TBC1D8: variants seen among roughly 807,000 people sequenced by gnomAD.
TBC1D8 encodes TBC1 domain family member 8.
Under a neutral mutation model 118.8 loss-of-function variants are expected in TBC1D8, and 65 were observed. That is an observed-to-expected ratio of 0.55 (90% CI 0.45 to 0.67). TBC1D8 has a LOEUF of 0.67. TBC1D8 is among the 30% of genes least tolerant of loss of function. The probability of loss-of-function intolerance (pLI) is 0.00; values close to 1 mark genes in which losing one functional copy is unlikely to be tolerated. For synonymous variants in TBC1D8, 566 were observed against 595.8 expected (o/e 0.95, Z 0.73); for missense variants, 1,376 against 1,471.2 (o/e 0.94, Z 1.06).
intron 2 of TBC1D8, among the ~76,000 whole-genome samples, chr2:101,087,865 A>G (rs1422434586): frequency 6.6e-6 from 1 of 152,232 alleles, no homozygotes; most frequent in Non-Finnish European, 1.5e-5. Flanking sequence ...GTGGAGAGCC[A>G]GTGAACACTA....
At chr2:101,109,763 T>C in intron 1 of TBC1D8, 1 of 984,116 alleles carries the variant, frequency 1.0e-6, no homozygotes, top group Non-Finnish European at 1.2e-6. Context: ...GCCCACGTTC[T>C]CTTCTACTGG....
At chr2:101,063,841 C>A (rs1682886921) in intron 2 of TBC1D8, among the ~76,000 whole-genome samples, 1 of 151,786 alleles carries the variant, frequency 6.6e-6, no homozygotes. Flanking sequence ...TAGAGTTATG[C>A]ACACACATGT....
In TBC1D8 at chr2:101,137,733, G is replaced by A. The variant is rs181435056; in HGVS notation, c.127+13394C>T. On this transcript the variant is annotated intron_variant, in intron 1 of 19. Transcript: ENST00000409318. ...TCCTACCAGCATTTACCCCAGACAA[G>A]ACAGTACAGGGGTGTCCTACATGCA... Among the ~76,000 whole-genome samples the A allele has an allele frequency of 1.6e-4, 25 of 152,280 alleles. 1 individual carries two copies. The highest frequency in any genetic ancestry group is 1.1e-3 in the Admixed American group (17 of 15,296).
chr2:101,043,951 C>CA (rs139859571), intron 5 of TBC1D8, among the ~76,000 whole-genome samples: 28 of 147,344 alleles, frequency 1.9e-4, no homozygotes, highest in East Asian at 3.9e-4. Flanking sequence ...AAAAAACAAA[C>CA]AAAAAAAAAA....
chr2:101,134,442 A>G (rs1414022435), intron 1 of TBC1D8, among the ~76,000 whole-genome samples: 1 of 152,220 alleles, frequency 6.6e-6, no homozygotes, highest in African/African-American at 2.4e-5. Flanking sequence ...TCAGGCTGCT[A>G]TAACAAAATA....
At chr2:101,022,651 G>A in intron 15 of TBC1D8, 130 bp from the exon 16 acceptor site, 2 of 1,338,444 alleles carry the variant, frequency 1.5e-6, no homozygotes, top group South Asian at 1.6e-5. Context: ...GTGTTCCCTT[G>A]TTACCCTGAC....
chr2:101,060,722 G>A (rs1303853671), intron 2 of TBC1D8, among the ~76,000 whole-genome samples: 2 of 152,152 alleles, frequency 1.3e-5, no homozygotes, highest in Non-Finnish European at 2.9e-5. Context: ...AAGCACACAC[G>A]GTCCTGGACA....
chr2:101,151,052 G>T, intron 1 of TBC1D8, 75 bp downstream of exon 1: 4 of 956,558 alleles, frequency 4.2e-6, no homozygotes, highest in Non-Finnish European at 5.0e-6. Flanking sequence ...CGCAGCCCGG[G>T]ACTGGGGGCC....
chr2:101,020,444 G>T (rs900811266), intron 17 of TBC1D8, among the ~76,000 whole-genome samples: 3 of 152,082 alleles, frequency 2.0e-5, no homozygotes, highest in Non-Finnish European at 4.4e-5. Context: ...TGGCATAAAG[G>T]GCAGAAAACT....
intron 2 of TBC1D8, among the ~76,000 whole-genome samples, chr2:101,069,901 A>G (rs1442123445): frequency 1.4e-5 from 2 of 145,378 alleles, no homozygotes; most frequent in African/African-American, 2.6e-5. Flanking sequence ...CAACATTTAT[A>G]TACAGAGCAT....
chr2:101,074,747 T>C lies in TBC1D8; in HGVS notation c.284-15208A>G, dbSNP rs1198820604. On this transcript the variant is annotated intron_variant, in intron 2 of 19. Transcript: ENST00000409318. ...AAGATTTTCAGTATAAGAGAAGAAA[T>C]ATAAAATCAAAGTTAAGTTATAACT... 4.6e-5 allele frequency among the ~76,000 whole-genome samples: 7 copies of C among 152,308 alleles called. No individual in the cohort carries two copies. The East Asian group carries it at 1.3e-3, about 29-fold the overall frequency.
intron 18 of TBC1D8, 44 bp from the exon 19 acceptor site, chr2:101,011,070 T>A: frequency 1.3e-6 from 2 of 1,580,748 alleles, no homozygotes; most frequent in Non-Finnish European, 1.7e-6. Flanking sequence ...TTAAATAAAT[T>A]CAGTGACAGC....
intron 3 of TBC1D8, among the ~76,000 whole-genome samples, chr2:101,057,316 A>G (rs1682493520): frequency 6.6e-6 from 1 of 152,232 alleles, no homozygotes; most frequent in Non-Finnish European, 1.5e-5. Context: ...AGAGGAATCT[A>G]CATAACAAAC....
At chr2:101,068,858 G>C (rs1323665906) in intron 2 of TBC1D8, among the ~76,000 whole-genome samples, 1 of 152,094 alleles carries the variant, frequency 6.6e-6, no homozygotes, top group Non-Finnish European at 1.5e-5. Context: ...AATTAGCTGA[G>C]CGTGGTGGTG....
In TBC1D8 at chr2:101,088,668, C is replaced by T. The variant is rs990486586; in HGVS notation, c.283+1541G>A. On this transcript the variant is annotated intron_variant, in intron 2 of 19. Transcript: ENST00000409318. ...CATCATACCTCACTGCAGCCTCGAA[C>T]TCGGGTTCAAGTGATCCTCAGCCTT... is the stretch of plus-strand genomic sequence containing the variant. Among the ~76,000 whole-genome samples the T allele has an allele frequency of 1.1e-4, 16 of 152,252 alleles. No individual in the cohort carries two copies. In the East Asian group the frequency reaches 2.9e-3, roughly 28 times the overall value.
intron 5 of TBC1D8, among the ~76,000 whole-genome samples, chr2:101,042,247 G>A (rs1681430853): frequency 6.6e-6 from 1 of 152,092 alleles, no homozygotes; most frequent in South Asian, 2.1e-4. Context: ...TCTGAAACCA[G>A]TAAAGAAAGC....
intron 17 of TBC1D8, among the ~76,000 whole-genome samples, chr2:101,012,045 A>G (rs1409855068): frequency 6.6e-6 from 1 of 152,258 alleles, no homozygotes; most frequent in East Asian, 1.9e-4. Context: ...TCAAAGCAGC[A>G]TCTTAGTATT....
chr2:101,095,906 G>A (rs917763385), intron 1 of TBC1D8, among the ~76,000 whole-genome samples: 10 of 152,016 alleles, frequency 6.6e-5, no homozygotes, highest in Admixed American at 1.3e-4. Flanking sequence ...AGGTCACACC[G>A]AGGGACACAG....
chr2:101,022,110 T>C (rs1031086734), intron 16 of TBC1D8, among the ~76,000 whole-genome samples, 171 bp downstream of exon 16: 6 of 152,100 alleles, frequency 3.9e-5, no homozygotes, highest in African/African-American at 1.4e-4. Context: ...CTTCAGAAAG[T>C]AGATCCTGAG....
Sources: allele counts gnomAD v4.1 joint callset (sites outside exome capture counted in the v4.1 genomes callset), GRCh38; gene constraint gnomAD v4.1.1; transcripts MANE v1.5; gene names NCBI Gene and HGNC (gene_info 2026-07-23, HGNC 2026-07-21).